Variants in AAGAB observed in about 807,000 individuals in gnomAD.
AAGAB encodes the protein alpha- and gamma-adaptin-binding protein p34.
A neutral mutation model predicts 44.1 loss-of-function variants in AAGAB; 38 were observed. The observed-to-expected ratio is 0.86, with a 90% CI of 0.67 to 1.13. The LOEUF is 1.13. Among genes scored for constraint, AAGAB ranks in the 50% most tolerant of loss-of-function variants. AAGAB has a pLI of 0.00. For missense variants in AAGAB, 450 were observed against 373.8 expected, an observed-to-expected ratio of 1.20 and a Z score of -1.68; for synonymous variants, 131 against 131.8, an observed-to-expected ratio of 0.99 and a Z score of 0.04.
intron 5 of AAGAB, among the ~76,000 whole-genome samples, chr15:67,214,681 C>T (rs2140352574): frequency 6.6e-6 from 1 of 152,090 alleles, no homozygotes; most frequent in East Asian, 1.9e-4. Context: ...CGCTCTGTCA[C>T]CCAGGCTGGA....
chr15:67,212,314 A>G, intron 5 of AAGAB, among the ~76,000 whole-genome samples: 1 of 152,172 alleles, frequency 6.6e-6, no homozygotes, highest in East Asian at 1.9e-4. Context: ...TTATTTACCT[A>G]TTCGAAGAGA....
chr15:67,251,941 T>G (rs891207932), intron 1 of AAGAB, among the ~76,000 whole-genome samples: 4 of 152,252 alleles, frequency 2.6e-5, no homozygotes, highest in African/African-American at 9.6e-5. Context: ...CCCTCTTTTA[T>G]GGTTCACTTT....
At chr15:67,240,014 C>G (rs1964558487) in intron 1 of AAGAB, among the ~76,000 whole-genome samples, 1 of 152,174 alleles carries the variant, frequency 6.6e-6, no homozygotes, top group Non-Finnish European at 1.5e-5. Context: ...ACATTCTTTC[C>G]TACTACACCG....
rs562244710 is a variant in AAGAB, at chr15:67,232,519, T to C, written c.452-622A>G. The C allele has an allele frequency of 6.7e-5, 25 of 373,438 alleles. No homozygotes were observed. In the East Asian group the frequency reaches 1.6e-3, roughly 24 times the overall value. The allele number at this position is 373,438 out of a possible 1,614,324, so 23.1% of individuals were successfully genotyped here. A position where few individuals can be genotyped will look rare whatever the true frequency, so the allele number is the denominator to read the frequency against. ...CTACTTCAGTGAAAACAAATGGTCA[T>C]TGATGTCCTTCACCCCGGGAAGGCA... On this transcript the variant is annotated intron_variant, in intron 4 of 9. Coordinates refer to ENST00000261880, the MANE Select transcript of AAGAB (RefSeq NM_024666.5).
At chr15:67,225,255 G>A (rs1964175947) in intron 5 of AAGAB, among the ~76,000 whole-genome samples, 1 of 152,192 alleles carries the variant, frequency 6.6e-6, no homozygotes, top group South Asian at 2.1e-4. Context: ...TGGCTTTTGT[G>A]AGGATTAAAT....
At chr15:67,245,380 C>T (rs531175039) in intron 1 of AAGAB, among the ~76,000 whole-genome samples, 3 of 152,142 alleles carry the variant, frequency 2.0e-5, no homozygotes, top group Non-Finnish European at 4.4e-5. Flanking sequence ...AAGCCAGACA[C>T]AAAAGACCAC....
At chr15:67,222,467 C>G (rs930463485) in intron 5 of AAGAB, among the ~76,000 whole-genome samples, 8 of 152,184 alleles carry the variant, frequency 5.3e-5, no homozygotes, top group African/African-American at 1.9e-4. Context: ...CCCTTCTGCC[C>G]TCTCAACTGA....
At chr15:67,240,551 C>T (rs566217879) in intron 1 of AAGAB, among the ~76,000 whole-genome samples, 1 of 152,316 alleles carries the variant, frequency 6.6e-6, no homozygotes, top group East Asian at 1.9e-4. Context: ...ATTTGTAGTG[C>T]TTTTACAAAG....
intron 5 of AAGAB, among the ~76,000 whole-genome samples, chr15:67,211,188 A>G (rs770424865): frequency 5.3e-5 from 8 of 152,198 alleles, no homozygotes; most frequent in Non-Finnish European, 1.2e-4. Context: ...AGGCAGTCAT[A>G]TGTAGCTATC....
At position 67,246,391 on chromosome 15, in the gene AAGAB, CA is replaced by C. The variant is rs59205947; in HGVS notation, c.73+8167del. Among the ~76,000 whole-genome samples, 362 of 109,750 alleles carry C rather than the reference CA, an allele frequency of 3.3e-3. 2 individuals carry two copies. Among genetic ancestry groups the C allele is most frequent in the East Asian group, 0.017 (64 of 3,802 alleles). The allele number at this position is 109,750 out of a possible 152,430, so 72.0% of individuals were successfully genotyped here. ...TGCGTGACAGAGGAAGATCCTGTCT[CA>C]AAAAAAAAAAAAAAAATGAAAAAAC... On this transcript the variant is annotated intron_variant, in intron 1 of 9. Coordinates refer to ENST00000261880, the MANE Select transcript of AAGAB (RefSeq NM_024666.5).
At chr15:67,210,525 AAAAAG>A (rs1475754522) in intron 5 of AAGAB, among the ~76,000 whole-genome samples, 2 of 152,110 alleles carry the variant, frequency 1.3e-5, no homozygotes, top group African/African-American at 4.8e-5. Context: ...CAAAAAAAAA[AAAAAG>A]AAAAGAAAAA....
intron 7 of AAGAB, 71 bp from the exon 8 acceptor site, chr15:67,204,219 C>A: frequency 9.4e-7 from 1 of 1,065,066 alleles, no homozygotes; most frequent in South Asian, 1.4e-5. Flanking sequence ...AATCCTAAGG[C>A]AAATGCTAAC....
At chr15:67,213,639 G>C (rs370066946) in intron 5 of AAGAB, among the ~76,000 whole-genome samples, 2 of 152,098 alleles carry the variant, frequency 1.3e-5, no homozygotes, top group East Asian at 1.9e-4. Context: ...TTGGAAATAA[G>C]GCATGGATAT....
rs60381455 is a variant in AAGAB, at chr15:67,216,442, GAAAAAAAAAA to G, written c.536-6908_536-6899del. 9.6e-5 allele frequency among the ~76,000 whole-genome samples: 5 copies of G among 52,156 alleles called. No homozygotes were observed. In the East Asian group the frequency reaches 2.6e-3, roughly 27 times the overall value. 34.2% of individuals were successfully genotyped at this position (52,156 alleles called of 152,430 possible). On this transcript the variant is annotated intron_variant, in intron 5 of 9. Transcript: ENST00000261880. ...GGGTGACAGAGCAAGACTCACTCTT[GAAAAAAAAAA>G]AAAAAAAAAAAAAAAACAAGAAGAA...
upstream of AAGAB, chr15:67,254,930 G>T (rs1177459156): frequency 1.2e-6 from 2 of 1,613,726 alleles, no homozygotes; most frequent in Admixed American, 1.7e-5. Context: ...CGACCCTGTC[G>T]GATCCATCTT....
chr15:67,232,127 G>C (rs958139186), intron 4 of AAGAB, among the ~76,000 whole-genome samples: 1 of 151,826 alleles, frequency 6.6e-6, no homozygotes, highest in African/African-American at 2.4e-5. Flanking sequence ...GGTGGCGCAT[G>C]CATGTAATTC....
chr15:67,238,737 G>A (rs970863427), intron 1 of AAGAB, among the ~76,000 whole-genome samples: 6 of 146,690 alleles, frequency 4.1e-5, no homozygotes, highest in South Asian at 2.1e-4. Flanking sequence ...GCTCTGTTGC[G>A]CAGGCTGGAG....
chr15:67,217,187 G>A (rs1305072410), intron 5 of AAGAB, among the ~76,000 whole-genome samples: 2 of 152,136 alleles, frequency 1.3e-5, no homozygotes, highest in Admixed American at 1.3e-4. Flanking sequence ...GGGTTAAAAA[G>A]AGAAGCAAGT....
At chr15:67,208,451 T>C in intron 7 of AAGAB, 111 bp downstream of exon 7, 1 of 874,088 alleles carries the variant, frequency 1.1e-6, no homozygotes, top group Non-Finnish European at 1.8e-6. Flanking sequence ...ATACTACCAA[T>C]TTTTTTCCCT....
Sources: gnomAD v4.1 joint callset for allele counts (sites outside exome capture counted in the v4.1 genomes callset) on GRCh38, gnomAD v4.1.1 for gene constraint, MANE v1.5 for transcripts, NCBI Gene and HGNC (gene_info 2026-07-23, HGNC 2026-07-21) for gene names.